The following ARHGAP27 variants were observed in gnomAD, a reference collection of about 807,000 sequenced individuals.
ARHGAP27 encodes Rho GTPase activating protein 27.
A neutral mutation model predicts 102.0 loss-of-function variants in ARHGAP27; 53 were observed. The ratio of observed to expected loss-of-function variants is 0.52; its 90% CI spans 0.42 to 0.65. The LOEUF (loss-of-function observed/expected upper bound fraction) is 0.65, where lower values mean the gene tolerates loss of function less well. Among genes scored for constraint, ARHGAP27 ranks in the 30% least tolerant of loss-of-function variants. ARHGAP27 has a pLI of 0.00. For missense variants in ARHGAP27, 1,117 were observed against 1,256.2 expected (o/e 0.89, Z 1.68); for synonymous variants, 525 against 542.8 (o/e 0.97, Z 0.46).
chr17:45,403,544 C>G, intron 11 of ARHGAP27, 75 bp downstream of exon 11: 8 of 1,253,908 alleles, frequency 6.4e-6, no homozygotes, highest in Non-Finnish European at 9.0e-6. Context: ...GAGCGAGACT[C>G]CGTCTCAAAA....
At chr17:45,429,450 C>A in intron 4 of ARHGAP27, 173 bp downstream of exon 4, 1 of 1,452,032 alleles carries the variant, frequency 6.9e-7, no homozygotes, top group South Asian at 1.4e-5. Context: ...GGACTGCGGG[C>A]GTGCACCCCT....
chr17:45,429,346 C>T (rs2049871995), intron 4 of ARHGAP27: 1 of 1,144,488 alleles, frequency 8.7e-7, no homozygotes, highest in Non-Finnish European at 1.2e-6. Flanking sequence ...CATCAGCAGC[C>T]TCACATCAGT....
chr17:45,426,216 G>A (rs757087202), intron 4 of ARHGAP27, among the ~76,000 whole-genome samples: 6 of 152,116 alleles, frequency 3.9e-5, no homozygotes, highest in Non-Finnish European at 5.9e-5. Flanking sequence ...GAGCTTCGTC[G>A]TGTCACTAAA....
chr17:45,420,883 G>A (rs1567729290), intron 4 of ARHGAP27, among the ~76,000 whole-genome samples: 3 of 149,314 alleles, frequency 2.0e-5, no homozygotes, highest in African/African-American at 7.4e-5. Flanking sequence ...CCCGGGAAGC[G>A]GAGCTTGCAG....
intron 4 of ARHGAP27, among the ~76,000 whole-genome samples, chr17:45,420,976 T>G (rs1183937685): frequency 1.4e-5 from 2 of 146,850 alleles, no homozygotes; most frequent in South Asian, 2.3e-4. Flanking sequence ...AAAGACTGAT[T>G]TTTAGAACTT....
chr17:45,395,970 C>G lies in ARHGAP27; in HGVS notation c.2386+13G>C. 6.2e-7 allele frequency: 1 copy of G among 1,604,576 alleles called. No individual in the cohort carries two copies. Among genetic ancestry groups the G allele is most frequent in the Non-Finnish European group, 8.5e-7 (1 of 1,174,560 alleles). ...CCCCTACCCCATCCGCCCCACCTGC[C>G]CCAGGTGCTCACTGATGGCCGCAAT... On this transcript the variant is annotated intron_variant, in intron 18 of 19. Coordinates refer to ENST00000685559, the MANE Select transcript of ARHGAP27 (RefSeq NM_001282290.2).
Position 45,396,479 on chromosome 17 carries a change from G to A in ARHGAP27, c.2173+8C>T, listed in dbSNP as rs1328007310. 1.3e-5 allele frequency: 20 copies of A among 1,528,744 alleles called. No individual in the cohort carries two copies. Among genetic ancestry groups the A allele is most frequent in the African/African-American group, 2.7e-5 (2 of 72,946 alleles). The allele number at this position is 1,528,744 out of a possible 1,614,324, so 94.7% of individuals were successfully genotyped here. A position where few individuals can be genotyped will look rare whatever the true frequency, so the allele number is the denominator to read the frequency against. On this transcript the variant is annotated splice_region_variant and intron_variant, in intron 16 of 19. Coordinates refer to ENST00000685559, the MANE Select transcript of ARHGAP27 (RefSeq NM_001282290.2). ...TGCCTGCCGCCCTCACCCCCGCAGC[G>A]CACGTACCGCGGGCCTCGACGGCGC...
At chr17:45,426,963 C>T (rs905266346) in intron 4 of ARHGAP27, among the ~76,000 whole-genome samples, 1 of 152,176 alleles carries the variant, frequency 6.6e-6, no homozygotes, top group Admixed American at 6.5e-5. Context: ...TCATGCTTCT[C>T]TTCCCTTTGG....
At chr17:45,396,426 C>A in intron 16 of ARHGAP27, 61 bp downstream of exon 16, 1 of 1,475,406 alleles carries the variant, frequency 6.8e-7, no homozygotes, top group East Asian at 2.5e-5. Flanking sequence ...AGCCTGCGGT[C>A]CTGGCAGGAG....
chr17:45,413,301 G>A (rs2048109252), intron 4 of ARHGAP27, among the ~76,000 whole-genome samples: 1 of 152,092 alleles, frequency 6.6e-6, no homozygotes. Context: ...TTGCATGGAT[G>A]TGGGGTGAGA....
chr17:45,403,499 C>T (rs1245664244), intron 11 of ARHGAP27, 120 bp downstream of exon 11: 9 of 821,050 alleles, frequency 1.1e-5, no homozygotes, highest in South Asian at 9.7e-5. Flanking sequence ...TGCAGTGAGC[C>T]GAGATTACAC....
At chr17:45,414,411 AT>A (rs1241528235) in intron 4 of ARHGAP27, among the ~76,000 whole-genome samples, 1 of 146,982 alleles carries the variant, frequency 6.8e-6, no homozygotes, top group East Asian at 2.0e-4. Context: ...TCCCTTTCTC[AT>A]TTCAACAAAC....
chr17:45,395,591 G>A lies in ARHGAP27; in HGVS notation c.2535C>T (p.Ser845=), dbSNP rs917956053. ...GCGTGGGCCCGAACACAATGGCCAC[G>A]CTCTGCACCGACATGCGGTTCTGCT... The part of the protein sequence containing the change: ...HGEQNRMSVQ[S]VAIVFGPTLL... Residue 845 remains serine, a synonymous_variant, in exon 20 of 20, where the codon AGC becomes AGT. Coordinates refer to ENST00000685559, the MANE Select transcript of ARHGAP27 (RefSeq NM_001282290.2). 5.6e-6 allele frequency: 9 copies of A among 1,607,162 alleles called. No individual in the cohort carries two copies. The highest frequency in any genetic ancestry group is 7.6e-6 in the Non-Finnish European group (9 of 1,177,148).
chr17:45,428,486 A>T (rs1567739747), intron 4 of ARHGAP27, among the ~76,000 whole-genome samples: 1 of 152,194 alleles, frequency 6.6e-6, no homozygotes, highest in Non-Finnish European at 1.5e-5. Flanking sequence ...AGCAGAATCC[A>T]GTTCCCCTTT....
At chr17:45,399,065 T>G (rs1567694617) in intron 12 of ARHGAP27, among the ~76,000 whole-genome samples, 1 of 152,188 alleles carries the variant, frequency 6.6e-6, no homozygotes, top group Admixed American at 6.5e-5. Context: ...CTTTCTGAGT[T>G]GGATGGCAGC....
At chr17:45,424,734 CG>C (rs1467988688) in intron 4 of ARHGAP27, among the ~76,000 whole-genome samples, 1 of 151,894 alleles carries the variant, frequency 6.6e-6, no homozygotes, top group Non-Finnish European at 1.5e-5. Flanking sequence ...AGTCGGGTGA[CG>C]GGTGCACCAA....
At chr17:45,398,336 G>C (rs2045989210) in intron 12 of ARHGAP27, among the ~76,000 whole-genome samples, 1 of 152,162 alleles carries the variant, frequency 6.6e-6, no homozygotes, top group Non-Finnish European at 1.5e-5. Context: ...GAGCTGCATG[G>C]CTCAATTGTC....
At chr17:45,414,105 CAAA>C (rs11311214) in intron 4 of ARHGAP27, among the ~76,000 whole-genome samples, 2 of 142,946 alleles carry the variant, frequency 1.4e-5, no homozygotes, top group Non-Finnish European at 1.5e-5. Flanking sequence ...GACTCCATCT[CAAA>C]AAAAAAAAAA....
chr17:45,405,336 C>T (rs1292552792), intron 5 of ARHGAP27, among the ~76,000 whole-genome samples: 2 of 151,974 alleles, frequency 1.3e-5, no homozygotes, highest in Admixed American at 1.3e-4. Flanking sequence ...CTGCCCCTCA[C>T]CTTCTGGTCC....
Sources: allele counts gnomAD v4.1 joint callset (sites outside exome capture counted in the v4.1 genomes callset), GRCh38; gene constraint gnomAD v4.1.1; transcripts MANE v1.5; gene names NCBI Gene and HGNC (gene_info 2026-07-23, HGNC 2026-07-21).